The following PSMA2 variants were observed in gnomAD, a reference collection of about 807,000 sequenced individuals.
PSMA2 encodes proteasome subunit alpha type-2.
In PSMA2, 2 loss-of-function variants were observed where a neutral mutation model predicts 35.9. The ratio of observed to expected loss-of-function variants is 0.06; its 90% CI spans 0.02 to 0.18. PSMA2 has a LOEUF of 0.18. PSMA2 is among the 10% of genes least tolerant of loss of function. The probability of loss-of-function intolerance (pLI) is 1.00; values close to 1 mark genes in which losing one functional copy is unlikely to be tolerated. For missense variants in PSMA2, 126 were observed against 278.8 expected (o/e 0.45, Z 3.90); for synonymous variants, 97 against 98.2 (o/e 0.99, Z 0.07).
intron 1 of PSMA2, among the ~76,000 whole-genome samples, chr7:42,930,876 C>A (rs1786296138): frequency 6.6e-6 from 1 of 152,094 alleles, no homozygotes; most frequent in African/African-American, 2.4e-5. Flanking sequence ...ATACATCCTG[C>A]ACACACTATT....
chr7:42,920,071 A>G (rs1786102091), intron 6 of PSMA2: 1 of 607,834 alleles, frequency 1.6e-6, no homozygotes, highest in East Asian at 3.0e-5. Flanking sequence ...CTATTCTTCA[A>G]CTCCTCAAGT....
At chr7:42,927,581 G>T in intron 1 of PSMA2, 122 bp from the exon 2 acceptor site, 1 of 887,756 alleles carries the variant, frequency 1.1e-6, no homozygotes, top group Non-Finnish European at 1.8e-6. Context: ...GGAGTAACTG[G>T]CCTTTGACCT....
chr7:42,923,242 T>C (rs1055157970), intron 5 of PSMA2, 83 bp downstream of exon 5: 1 of 1,059,354 alleles, frequency 9.4e-7, no homozygotes, highest in African/African-American at 1.6e-5. Flanking sequence ...TGCTAAATTG[T>C]AAAGTTTTTA....
rs764059431 is a variant in PSMA2, at chr7:42,926,522, A to G, written c.251+14T>C. On this transcript the variant is annotated intron_variant, in intron 3 of 7. Coordinates refer to ENST00000223321, the MANE Select transcript of PSMA2 (RefSeq NM_002787.5). ...CATGAGATGGTGAGAAACACTATAAAAAGTATAAAGTACCTGTAATCGGGG... is the reference window on the plus strand; with the variant it reads ...CATGAGATGGTGAGAAACACTATAAGAAGTATAAAGTACCTGTAATCGGGG... 5.1e-6 allele frequency: 8 copies of G among 1,560,664 alleles called. No homozygotes were observed. The highest frequency in any genetic ancestry group is 8.6e-7 in the Non-Finnish European group (1 of 1,161,688).
intron 1 of PSMA2, 79 bp from the exon 2 acceptor site, chr7:42,927,538 C>T: frequency 1.4e-6 from 2 of 1,379,880 alleles, no homozygotes; most frequent in South Asian, 1.2e-5. Context: ...ATAGTACAGA[C>T]ATACAGGTCA....
chr7:42,924,587 G>GT, intron 4 of PSMA2, 88 bp downstream of exon 4: 15 of 1,300,476 alleles, frequency 1.2e-5, no homozygotes, highest in Non-Finnish European at 1.6e-5. Context: ...TACAGAAATG[G>GT]TAAGTCCCAC....
At chr7:42,927,707 A>G (rs753633947) in intron 1 of PSMA2, among the ~76,000 whole-genome samples, 100 of 152,210 alleles carry the variant, frequency 6.6e-4, no homozygotes, top group Non-Finnish European at 1.3e-3. Flanking sequence ...GGAGTTCGAG[A>G]CCAGCCTGAC....
At chr7:42,922,078 G>A (rs1786136349) in intron 5 of PSMA2, 147 bp from the exon 6 acceptor site, 1 of 657,470 alleles carries the variant, frequency 1.5e-6, no homozygotes, top group Non-Finnish European at 2.5e-6. Context: ...CACAGAATAG[G>A]TTATTTTTTA....
intron 5 of PSMA2, among the ~76,000 whole-genome samples, chr7:42,923,023 T>C (rs1044998438): frequency 6.6e-6 from 1 of 152,202 alleles, no homozygotes; most frequent in East Asian, 1.9e-4. Context: ...ACATCTTCAA[T>C]TGCAGTATTT....
intron 6 of PSMA2, chr7:42,920,052 A>G: frequency 1.5e-6 from 1 of 648,910 alleles, no homozygotes; most frequent in Non-Finnish European, 2.9e-6. Context: ...CAGAGAATTC[A>G]GATTCCATCT....
chr7:42,917,757 G>C (rs367806569), intron 7 of PSMA2, 21 bp downstream of exon 7: 2 of 1,610,862 alleles, frequency 1.2e-6, no homozygotes, highest in African/African-American at 1.3e-5. Flanking sequence ...TATAAATCCA[G>C]TTGTTGAATA....
chr7:42,926,433 G>A, intron 3 of PSMA2, 103 bp downstream of exon 3: 1 of 1,330,822 alleles, frequency 7.5e-7, no homozygotes, highest in South Asian at 1.7e-5. Flanking sequence ...AAAAAAAGAG[G>A]AACTGGAAGA....
At chr7:42,918,160 C>T (rs1233623094) in intron 6 of PSMA2, 1 of 168,216 alleles carries the variant, frequency 5.9e-6, no homozygotes, top group African/African-American at 2.4e-5. Flanking sequence ...CCTCAGCCTC[C>T]CAAGTAGCTG....
intron 1 of PSMA2, among the ~76,000 whole-genome samples, chr7:42,931,511 G>C (rs373116452): frequency 1.6e-5 from 2 of 128,296 alleles, no homozygotes; most frequent in African/African-American, 5.8e-5. Flanking sequence ...ACCAAAAAAA[G>C]ACCAAAACTC....
intron 2 of PSMA2, 84 bp from the exon 3 acceptor site, chr7:42,926,752 C>G: frequency 2.2e-6 from 3 of 1,365,172 alleles, no homozygotes. Context: ...GCGCTAAACG[C>G]AAACTCCTTT....
chr7:42,930,269 A>G (rs1786281531), intron 1 of PSMA2, among the ~76,000 whole-genome samples: 1 of 152,016 alleles, frequency 6.6e-6, no homozygotes, highest in South Asian at 2.1e-4. Context: ...TTTTTAAAAA[A>G]AACTTTTAGA....
In PSMA2 at chr7:42,917,583, G is replaced by C. The variant is rs779879129; in HGVS notation, c.696C>G (p.Ala232=). 21 of 1,610,536 alleles carry C rather than the reference G, an allele frequency of 1.3e-5. No individual in the cohort carries two copies. Among genetic ancestry groups the C allele is most frequent in the Non-Finnish European group, 1.8e-5 (21 of 1,178,470 alleles). ...TPTEVKDYLA[A]IA is the part of the protein sequence containing the mutation. ...TTCAGTCACTTCATTGTTATGCTAT[G>C]GCAGCCAAGTAATCCTTAACTTCAG... Residue 232 remains alanine, a synonymous_variant, in exon 8 of 8, where the codon GCC becomes GCG. Coordinates refer to ENST00000223321, the MANE Select transcript of PSMA2 (RefSeq NM_002787.5).
At chr7:42,921,713 G>C in intron 6 of PSMA2, 145 bp downstream of exon 6, 2 of 486,024 alleles carry the variant, frequency 4.1e-6, no homozygotes. Context: ...AGAAGGGAGA[G>C]AAGTTTTTGG....
intron 3 of PSMA2, among the ~76,000 whole-genome samples, chr7:42,925,910 G>GT (rs1786205394): frequency 6.6e-6 from 1 of 152,216 alleles, no homozygotes; most frequent in Admixed American, 6.5e-5. Context: ...GAGCAATAAA[G>GT]TAATACTCCT....
Sources: allele counts gnomAD v4.1 joint callset (sites outside exome capture counted in the v4.1 genomes callset), GRCh38; gene constraint gnomAD v4.1.1; transcripts MANE v1.5; gene names NCBI Gene and HGNC (gene_info 2026-07-23, HGNC 2026-07-21).